ULK4: variants seen among roughly 807,000 people sequenced by gnomAD.
The protein encoded by ULK4 is inactive serine/threonine-protein kinase ULK4.
Under a neutral mutation model 160.6 loss-of-function variants are expected in ULK4, and 133 were observed. That is an observed-to-expected ratio of 0.83 (90% CI 0.72 to 0.96). The LOEUF is 0.96. Ranked by LOEUF, ULK4 falls within the 40% of genes least tolerant of loss-of-function variation. The probability of loss-of-function intolerance (pLI) is 0.00; values close to 1 mark genes in which losing one functional copy is unlikely to be tolerated. For missense variants in ULK4, 1,580 were observed against 1,499.5 expected (o/e 1.05, Z -0.89); for synonymous variants, 534 against 539.8 (o/e 0.99, Z 0.15).
intron 21 of ULK4, among the ~76,000 whole-genome samples, chr3:41,765,102 G>C (rs371344401): frequency 2.7e-4 from 41 of 152,236 alleles, no homozygotes; most frequent in African/African-American, 9.1e-4. Context: ...AAAAACACAT[G>C]CACACGTTAT....
chr3:41,592,277 G>T (rs375049402), intron 31 of ULK4, among the ~76,000 whole-genome samples: 1 of 151,250 alleles, frequency 6.6e-6, no homozygotes, highest in African/African-American at 2.5e-5. Flanking sequence ...TTAGAGAGCC[G>T]AGTGAAATAC....
chr3:41,262,286 C>G (rs959730870), intron 35 of ULK4, among the ~76,000 whole-genome samples: 2 of 152,200 alleles, frequency 1.3e-5, no homozygotes, highest in African/African-American at 4.8e-5. Flanking sequence ...TCCAGGGGCC[C>G]AGGTTCCCAA....
At chr3:41,956,820 C>G (rs1700500723) in intron 1 of ULK4, among the ~76,000 whole-genome samples, 1 of 152,190 alleles carries the variant, frequency 6.6e-6, no homozygotes, top group African/African-American at 2.4e-5. Context: ...TTGCTTATGG[C>G]TGCTTTCAAA....
At chr3:41,354,310 T>C (rs73831339) in intron 35 of ULK4, among the ~76,000 whole-genome samples, 7,442 of 152,232 alleles carry the variant, frequency 0.049, 436 homozygotes, top group East Asian at 0.21. Context: ...AGGGGCCTTA[T>C]GAGACCATGG....
intron 18 of ULK4, among the ~76,000 whole-genome samples, chr3:41,824,970 C>G (rs553946953): frequency 6.6e-6 from 1 of 152,312 alleles, no homozygotes; most frequent in East Asian, 1.9e-4. Flanking sequence ...ACAAAACTTC[C>G]AGAGGAACAA....
intron 17 of ULK4, among the ~76,000 whole-genome samples, chr3:41,846,448 C>G (rs2042071695): frequency 6.6e-6 from 1 of 152,082 alleles, no homozygotes; most frequent in Non-Finnish European, 1.5e-5. Context: ...TGTTATTATG[C>G]ATGTTTTCCT....
intron 29 of ULK4, among the ~76,000 whole-genome samples, chr3:41,671,758 A>G (rs2035545949): frequency 6.6e-6 from 1 of 152,160 alleles, no homozygotes; most frequent in Admixed American, 6.5e-5. Flanking sequence ...ACGCAGCACA[A>G]TAAAGTCAAC....
chr3:41,310,473 G>A (rs1169866026), intron 35 of ULK4, among the ~76,000 whole-genome samples: 2 of 152,072 alleles, frequency 1.3e-5, no homozygotes, highest in Admixed American at 1.3e-4. Context: ...AGGGTGTGGG[G>A]AAAATCAGAA....
At chr3:41,690,313 G>A (rs1293431526) in intron 27 of ULK4, among the ~76,000 whole-genome samples, 11 of 151,294 alleles carry the variant, frequency 7.3e-5, no homozygotes, top group African/African-American at 4.9e-5. Context: ...AGTGGGGAGG[G>A]ATAGCTTTAG....
intron 17 of ULK4, among the ~76,000 whole-genome samples, chr3:41,847,718 T>C (rs1254370348): frequency 1.4e-5 from 2 of 142,774 alleles, no homozygotes; most frequent in Non-Finnish European, 2.9e-5. Context: ...GTAAACCTCA[T>C]AATCCCCACT....
At chr3:41,909,292 C>G (rs370453427) in intron 11 of ULK4, among the ~76,000 whole-genome samples, 1 of 150,956 alleles carries the variant, frequency 6.6e-6, no homozygotes, top group South Asian at 2.1e-4. Flanking sequence ...TTCAAATTCC[C>G]AAGTATCAGG....
chr3:41,780,430 G>T (rs2039799403), intron 21 of ULK4, among the ~76,000 whole-genome samples: 1 of 151,726 alleles, frequency 6.6e-6, no homozygotes, highest in South Asian at 2.1e-4. Flanking sequence ...AAATATCGTG[G>T]CACCCACCAA....
chr3:41,434,791 A>G (rs1397226217), intron 34 of ULK4, among the ~76,000 whole-genome samples: 1 of 152,166 alleles, frequency 6.6e-6, no homozygotes, highest in Non-Finnish European at 1.5e-5. Flanking sequence ...TTATTGTTTT[A>G]CATTATAGTA....
At chr3:41,388,757 A>G (rs557918729) in intron 35 of ULK4, among the ~76,000 whole-genome samples, 54 of 152,202 alleles carry the variant, frequency 3.5e-4, no homozygotes, top group Admixed American at 2.3e-3. Context: ...TACCAGTACC[A>G]TGCTGTTTTG....
At chr3:41,790,178 A>G (rs10510728) in intron 20 of ULK4, among the ~76,000 whole-genome samples, 8,412 of 152,316 alleles carry the variant, frequency 0.055, 418 homozygotes, top group East Asian at 0.16. Context: ...GCTGAAAAAC[A>G]GTTGTAAAAG....
intron 32 of ULK4, among the ~76,000 whole-genome samples, chr3:41,492,149 G>A (rs1010111298): frequency 6.0e-5 from 9 of 150,042 alleles, no homozygotes; most frequent in Admixed American, 1.4e-4. Context: ...CATTTGGGTC[G>A]GGTCCAAGTC....
intron 21 of ULK4, among the ~76,000 whole-genome samples, chr3:41,773,323 C>T (rs950876637): frequency 6.6e-6 from 1 of 152,140 alleles, no homozygotes; most frequent in African/African-American, 2.4e-5. Context: ...TAGAAAACCC[C>T]ATTGTCTCAG....
intron 18 of ULK4, among the ~76,000 whole-genome samples, chr3:41,828,748 C>A (rs533857850): frequency 3.4e-3 from 512 of 151,888 alleles, no homozygotes; most frequent in African/African-American, 0.011. Flanking sequence ...TCAACGCCAT[C>A]CCCATCAAGC....
At chr3:41,859,200 C>T (rs938012005) in intron 17 of ULK4, 2 of 515,304 alleles carry the variant, frequency 3.9e-6, no homozygotes, top group African/African-American at 4.0e-5. Context: ...TAGAATAAGA[C>T]ATTTAAATGT....
Sources: gnomAD v4.1 joint callset for allele counts (sites outside exome capture counted in the v4.1 genomes callset) on GRCh38, gnomAD v4.1.1 for gene constraint, MANE v1.5 for transcripts, NCBI Gene and HGNC (gene_info 2026-07-23, HGNC 2026-07-21) for gene names.